SYTL5: variants seen among roughly 807,000 people sequenced by gnomAD.
SYTL5 encodes synaptotagmin like 5, also known as synaptotagmin-like protein 5.
In SYTL5, 34 loss-of-function variants were observed where a neutral mutation model predicts 55.9. The observed-to-expected ratio is 0.61, with a 90% CI of 0.46 to 0.81. The LOEUF is 0.81. Among genes scored for constraint, SYTL5 ranks in the 30% least tolerant of loss-of-function variants. The pLI, the probability that SYTL5 is intolerant of heterozygous loss-of-function variation, is 0.00. For missense variants in SYTL5, 637 were observed against 546.7 expected, an observed-to-expected ratio of 1.17 and a Z score of -1.65; for synonymous variants, 221 against 188.7, an observed-to-expected ratio of 1.17 and a Z score of -1.40.
chrX:38,066,141 G>T (rs1294654459), intron 3 of SYTL5, among the ~76,000 whole-genome samples: 1 of 111,202 alleles, frequency 9.0e-6, no homozygotes, highest in Non-Finnish European at 1.9e-5. Context: ...TAAAAAAATT[G>T]AATTAGTTTC....
intron 7 of SYTL5, among the ~76,000 whole-genome samples, chrX:38,091,365 G>A (rs1010072403): frequency 3.6e-5 from 4 of 112,254 alleles, no homozygotes; most frequent in African/African-American, 1.3e-4. Flanking sequence ...TTTATGCTAA[G>A]GTCAGCAAGC....
the SYTL5 span, among the ~76,000 whole-genome samples, chrX:37,915,067 C>T: frequency 3.6e-5 from 4 of 111,627 alleles, no homozygotes; most frequent in African/African-American, 9.8e-5. Flanking sequence ...CTGCCCATTG[C>T]TCTTTGCTGT....
chrX:38,106,455 ACT>A, intron 10 of SYTL5, 136 bp from the exon 11 acceptor site: 1 of 500,520 alleles, frequency 2.0e-6, no homozygotes, highest in East Asian at 4.2e-5. Context: ...CAAACAAGTG[ACT>A]CTTGTTTTCT....
At chrX:37,922,488 A>T in the SYTL5 span, among the ~76,000 whole-genome samples, 1 of 112,438 alleles carries the variant, frequency 8.9e-6, no homozygotes, top group Non-Finnish European at 1.9e-5. Flanking sequence ...GAAAATGTGG[A>T]TATACTTTAT....
chrX:38,081,720 G>T (rs763850061), intron 6 of SYTL5, among the ~76,000 whole-genome samples: 2 of 111,879 alleles, frequency 1.8e-5, no homozygotes, highest in African/African-American at 6.5e-5. Flanking sequence ...CTAGAAAACC[G>T]TGCTGAATGT....
chrX:38,054,451 G>A (rs769270948), intron 3 of SYTL5, 29 bp downstream of exon 3: 2 of 1,160,213 alleles, frequency 1.7e-6, no homozygotes, highest in Admixed American at 4.4e-5. Context: ...CATGGAAAGT[G>A]GAGATTGATG....
upstream of SYTL5, among the ~76,000 whole-genome samples, chrX:38,002,013 C>A (rs1933870017): frequency 2.7e-5 from 3 of 109,760 alleles, no homozygotes; most frequent in Non-Finnish European, 5.7e-5. Flanking sequence ...TATCCCTCCC[C>A]ACTCCCCCCA....
intron 3 of SYTL5, among the ~76,000 whole-genome samples, chrX:38,062,943 C>T (rs764218348): frequency 2.7e-5 from 3 of 111,416 alleles, no homozygotes; most frequent in Non-Finnish European, 5.7e-5. Flanking sequence ...TAGAATTGTC[C>T]CCATTCTCTG....
At chrX:38,015,802 C>T (rs965467735) in intron 1 of SYTL5, among the ~76,000 whole-genome samples, 2 of 110,894 alleles carry the variant, frequency 1.8e-5, no homozygotes, top group Non-Finnish European at 3.8e-5. Flanking sequence ...CACAGAATCC[C>T]TGGGGTCTTA....
chrX:37,917,721 TG>T, the SYTL5 span, among the ~76,000 whole-genome samples: 5 of 112,027 alleles, frequency 4.5e-5, no homozygotes, highest in African/African-American at 1.3e-4. Context: ...CTGTTACTGA[TG>T]TTTTTTTCAG....
the SYTL5 span, among the ~76,000 whole-genome samples, chrX:37,953,501 T>C: frequency 9.0e-6 from 1 of 111,685 alleles, no homozygotes; most frequent in African/African-American, 3.2e-5. Context: ...TAACACCATC[T>C]TTTTTTCCCT....
At chrX:37,935,057 C>T in the SYTL5 span, among the ~76,000 whole-genome samples, 1 of 112,144 alleles carries the variant, frequency 8.9e-6, no homozygotes, top group Admixed American at 9.5e-5. Context: ...TTTAGACAAA[C>T]AATAATCAAA....
chrX:38,089,578 C>A lies in SYTL5; in HGVS notation c.822C>A (p.Val274=). ...PAPSTRTVTS[V]ISREYGFENS... ...CAAGCACACGAACTGTGACCTCAGT[C>A]ATCAGTAGAGTAAGTACACAAACCT... Residue 274 remains valine, a synonymous_variant, in exon 7 of 17, where the codon GTC becomes GTA. Coordinates refer to ENST00000297875, the MANE Select transcript of SYTL5 (RefSeq NM_138780.3). 8.3e-7 allele frequency: 1 copy of A among 1,208,863 alleles called. No homozygotes were observed. Among genetic ancestry groups the A allele is most frequent in the Non-Finnish European group, 1.1e-6 (1 of 894,382 alleles).
At chrX:38,048,496 G>C (rs1407856653) in intron 2 of SYTL5, among the ~76,000 whole-genome samples, 1 of 97,926 alleles carries the variant, frequency 1.0e-5, no homozygotes, top group Non-Finnish European at 2.0e-5. Flanking sequence ...TCATGCTGCT[G>C]ATAAAGACAT....
chrX:37,983,205 G>A, the SYTL5 span, among the ~76,000 whole-genome samples: 1 of 111,704 alleles, frequency 9.0e-6, no homozygotes, highest in Non-Finnish European at 1.9e-5. Context: ...AGCATCAAAT[G>A]CAAATGGATT....
chrX:37,902,827 A>G, the SYTL5 span, among the ~76,000 whole-genome samples: 1 of 111,963 alleles, frequency 8.9e-6, no homozygotes, highest in Admixed American at 9.5e-5. Context: ...AGTTATCAGG[A>G]AAGAGAACTC....
At chrX:37,895,473 C>CCT in the SYTL5 span, among the ~76,000 whole-genome samples, 3,093 of 91,871 alleles carry the variant, frequency 0.034, 228 homozygotes, top group African/African-American at 0.14. Context: ...TCCCTCCCTC[C>CCT]CTCTCTCTCT....
chrX:37,971,525 C>T, the SYTL5 span, among the ~76,000 whole-genome samples: 1 of 110,263 alleles, frequency 9.1e-6, no homozygotes, highest in African/African-American at 3.3e-5. Context: ...AAAACAACAA[C>T]AACAACAATA....
rs1234628055 is a variant in SYTL5, at chrX:38,120,459, A to G, written c.1698A>G (p.Gln566=). 8.4e-7 allele frequency: 1 copy of G among 1,187,369 alleles called. No homozygotes were observed. The highest frequency in any genetic ancestry group is 1.1e-6 in the Non-Finnish European group (1 of 873,918). The change falls in exon 14 of 17, where the codon CAA becomes CAG. Residue 566 remains glutamine (Q), a synonymous_variant. Transcript: ENST00000297875. The part of the protein sequence containing the change: ...PEENLMLPPE[Q]LQGNKTFKKG... ...AGAACCTGATGCTTCCACCAGAACA[A>G]CTCCAAGGTAGAGTAAAAATCAATG...
Sources: allele counts gnomAD v4.1 joint callset (sites outside exome capture counted in the v4.1 genomes callset), GRCh38; gene constraint gnomAD v4.1.1; transcripts MANE v1.5; gene names NCBI Gene and HGNC (gene_info 2026-07-23, HGNC 2026-07-21).